WWOX: variants seen among roughly 807,000 people sequenced by gnomAD.
WWOX encodes WW domain containing oxidoreductase, also known as WW domain-containing oxidoreductase.
Under a neutral mutation model 46.2 loss-of-function variants are expected in WWOX, and 69 were observed. The observed-to-expected ratio is 1.49, with a 90% CI of 1.23 to 1.82. The LOEUF is 1.82. Among genes scored for constraint, WWOX ranks in the 40% most tolerant of loss-of-function variants. The pLI, the probability that WWOX is intolerant of heterozygous loss-of-function variation, is 0.00. For missense variants in WWOX, 919 were observed against 542.6 expected, an observed-to-expected ratio of 1.69 and a Z score of -6.89; for synonymous variants, 359 against 202.6, an observed-to-expected ratio of 1.77 and a Z score of -6.56.
intron 8 of WWOX, among the ~76,000 whole-genome samples, chr16:78,505,147 A>C (rs1346695958): frequency 6.6e-6 from 1 of 152,170 alleles, no homozygotes; most frequent in Admixed American, 6.5e-5. Flanking sequence ...CAGAACTTCA[A>C]ATCTAAAGAT....
chr16:78,722,643 G>C (rs2048720636), intron 8 of WWOX, among the ~76,000 whole-genome samples: 1 of 151,112 alleles, frequency 6.6e-6, no homozygotes, highest in Admixed American at 6.6e-5. Context: ...AGACTAACAA[G>C]AGTAGAAGAG....
intron 5 of WWOX, among the ~76,000 whole-genome samples, chr16:78,340,018 G>GGGGC (rs1555522674): frequency 6.8e-5 from 1 of 14,670 alleles, no homozygotes; most frequent in African/African-American, 3.3e-4. Context: ...TGGATTTGGT[G>GGGGC]GGGGGGGGGG....
At chr16:79,085,467 C>T in intron 8 of WWOX, among the ~76,000 whole-genome samples, 1 of 152,146 alleles carries the variant, frequency 6.6e-6, no homozygotes, top group East Asian at 1.9e-4. Flanking sequence ...CCGATGTGGG[C>T]ACAGCCTCAG....
At chr16:79,016,906 T>G (rs537597100) in intron 8 of WWOX, 19 of 152,260 alleles carry the variant, frequency 1.2e-4, no homozygotes, top group African/African-American at 4.3e-4. Context: ...TTTTCCAAAA[T>G]AGGACCTGGG....
At chr16:78,988,562 G>C (rs943460168) in intron 8 of WWOX, among the ~76,000 whole-genome samples, 1 of 151,910 alleles carries the variant, frequency 6.6e-6, no homozygotes, top group African/African-American at 2.4e-5. Context: ...AGGTCCCAGC[G>C]GAATAAACAT....
intron 8 of WWOX, among the ~76,000 whole-genome samples, chr16:78,760,263 T>C (rs1043524945): frequency 6.6e-6 from 1 of 152,104 alleles, no homozygotes. Flanking sequence ...ATGAGAACAA[T>C]ATGGGAGAAA....
chr16:78,115,932 T>TC lies in WWOX; in HGVS notation c.409+783dup, dbSNP rs1245552528. On this transcript the variant is annotated intron_variant, in intron 4 of 8. Transcript: ENST00000566780. ...TGTCAAGTTCTCTCTGTCCTTTTGG[T>TC]CCCCCGCAGCCCTCACACGGCCCCC... Among the ~76,000 whole-genome samples the TC allele has an allele frequency of 3.3e-5, 5 of 152,168 alleles. No homozygotes were observed. In the East Asian group the frequency reaches 9.6e-4, roughly 29 times the overall value.
At chr16:79,052,551 G>T (rs1476660482) in intron 8 of WWOX, among the ~76,000 whole-genome samples, 1 of 152,216 alleles carries the variant, frequency 6.6e-6, no homozygotes, top group Non-Finnish European at 1.5e-5. Context: ...AACAGTGGTA[G>T]ACTGGATTAA....
rs148438502 is a variant in WWOX at position 78,936,189 on chromosome 16, C to A, written c.1057-275419C>A. Among the ~76,000 whole-genome samples, 720 of 152,166 alleles carry A rather than the reference C, an allele frequency of 4.7e-3. 4 individuals are homozygous for A. The highest frequency in any genetic ancestry group is 0.037 in the Middle Eastern group (11 of 294). On this transcript the variant is annotated intron_variant, in intron 8 of 8. Transcript: ENST00000566780. Reference sequence around the variant, plus strand: ...ATAGAGAAGGCAAGATGAGAAGATGCAATAGGCAAAGGCAGTGAGTTTAAT... The same window carrying A: ...ATAGAGAAGGCAAGATGAGAAGATGAAATAGGCAAAGGCAGTGAGTTTAAT...
chr16:78,856,100 T>G (rs996128396), intron 8 of WWOX, among the ~76,000 whole-genome samples: 1 of 152,184 alleles, frequency 6.6e-6, no homozygotes, highest in African/African-American at 2.4e-5. Flanking sequence ...GGAGGATGTT[T>G]CTGGCAGAGG....
intron 8 of WWOX, among the ~76,000 whole-genome samples, chr16:78,729,977 C>T (rs984759843): frequency 7.2e-5 from 11 of 152,250 alleles, no homozygotes; most frequent in Admixed American, 2.0e-4. Flanking sequence ...CCTCATCCCT[C>T]GAAGCTGCCA....
intron 8 of WWOX, among the ~76,000 whole-genome samples, chr16:79,137,026 T>G (rs552392820): frequency 2.8e-4 from 42 of 152,288 alleles, no homozygotes; most frequent in Middle Eastern, 3.4e-3. Context: ...ATTGTGATGT[T>G]TTATTACCAT....
chr16:78,509,266 C>G lies in WWOX; in HGVS notation c.1056+76514C>G, dbSNP rs2085296658. On this transcript the variant is annotated intron_variant, in intron 8 of 8. Transcript: ENST00000566780. Reference sequence around the variant, plus strand: ...CCAGCCTGGCCAACATGGCAAAACCCTGTCTCTACTAAAAAATACAAAAGT... The same window carrying G: ...CCAGCCTGGCCAACATGGCAAAACCGTGTCTCTACTAAAAAATACAAAAGT... Among the ~76,000 whole-genome samples, 3 of 152,168 alleles carry G rather than the reference C, an allele frequency of 2.0e-5. No individual in the cohort carries two copies. The South Asian group carries it at 6.2e-4, about 32-fold the overall frequency.
intron 6 of WWOX, among the ~76,000 whole-genome samples, chr16:78,391,278 G>C (rs1344868549): frequency 1.3e-5 from 2 of 152,172 alleles, no homozygotes; most frequent in African/African-American, 4.8e-5. Flanking sequence ...CTTGTTGTTT[G>C]TTTTATGCAA....
intron 8 of WWOX, chr16:78,996,151 A>ATTT (rs35035488): frequency 1.1e-3 from 981 of 876,296 alleles, no homozygotes; most frequent in South Asian, 2.5e-3. Flanking sequence ...CTTTTTTTTA[A>ATTT]TTTTTTTTTT....
chr16:78,770,349 T>C (rs2050033843), intron 8 of WWOX, among the ~76,000 whole-genome samples: 1 of 138,834 alleles, frequency 7.2e-6, no homozygotes, highest in African/African-American at 2.6e-5. Context: ...AGACTCTGTC[T>C]CAAACAAAAA....
chr16:78,733,518 T>G (rs1248653292), intron 8 of WWOX, among the ~76,000 whole-genome samples: 1 of 149,128 alleles, frequency 6.7e-6, no homozygotes, highest in Non-Finnish European at 1.5e-5. Context: ...GAGGACGAGG[T>G]GGGCGGATCA....
intron 8 of WWOX, among the ~76,000 whole-genome samples, chr16:78,745,104 A>G (rs758214124): frequency 3.3e-5 from 5 of 152,180 alleles, no homozygotes; most frequent in East Asian, 1.9e-4. Flanking sequence ...AAAACTGACT[A>G]TAGGAGCCAA....
intron 2 of WWOX, 101 bp downstream of exon 2, chr16:78,108,588 C>T (rs562739863): frequency 8.2e-6 from 11 of 1,343,264 alleles, no homozygotes; most frequent in Non-Finnish European, 1.1e-5. Flanking sequence ...TTAGGGAGGG[C>T]TCTCTGGTAG....
Sources: allele counts gnomAD v4.1 joint callset (sites outside exome capture counted in the v4.1 genomes callset), GRCh38; gene constraint gnomAD v4.1.1; transcripts MANE v1.5; gene names NCBI Gene and HGNC (gene_info 2026-07-23, HGNC 2026-07-21).